SLC9A9: variants seen among roughly 807,000 people sequenced by gnomAD.
SLC9A9 encodes the protein solute carrier family 9 member A9, also known as sodium/hydrogen exchanger 9.
In SLC9A9, 62 loss-of-function variants were observed where a neutral mutation model predicts 77.8. That is an observed-to-expected ratio of 0.80 (90% CI 0.65 to 0.98). The LOEUF is 0.98. Among genes scored for constraint, SLC9A9 ranks in the 50% least tolerant of loss-of-function variants. The pLI is 0.00. For synonymous variants in SLC9A9, 320 were observed against 283.5 expected, an observed-to-expected ratio of 1.13 and a Z score of -1.29; for missense variants, 775 against 774.9, an observed-to-expected ratio of 1.00 and a Z score of 0.00.
At chr3:143,447,456 T>C (rs1369764965) in intron 12 of SLC9A9, among the ~76,000 whole-genome samples, 3 of 152,206 alleles carry the variant, frequency 2.0e-5, no homozygotes, top group African/African-American at 7.2e-5. Context: ...CTGAAAACCA[T>C]TGCCTTAAAG....
At chr3:143,769,164 G>A (rs968994556) in intron 4 of SLC9A9, among the ~76,000 whole-genome samples, 3 of 152,108 alleles carry the variant, frequency 2.0e-5, no homozygotes, top group African/African-American at 4.8e-5. Context: ...TATTATTACT[G>A]CTCATAATTA....
chr3:143,749,194 T>C (rs1277199437), intron 4 of SLC9A9, among the ~76,000 whole-genome samples: 5 of 152,234 alleles, frequency 3.3e-5, no homozygotes, highest in Non-Finnish European at 5.9e-5. Flanking sequence ...TTCTCACATC[T>C]CTTTGCCTTA....
intron 5 of SLC9A9, among the ~76,000 whole-genome samples, chr3:143,673,973 G>T (rs2039198028): frequency 6.6e-6 from 1 of 152,022 alleles, no homozygotes; most frequent in African/African-American, 2.4e-5. Flanking sequence ...GAAGAAAATG[G>T]TATCTGGAAA....
intron 12 of SLC9A9, among the ~76,000 whole-genome samples, chr3:143,437,485 C>T (rs147118780): frequency 1.3e-5 from 2 of 152,216 alleles, no homozygotes; most frequent in East Asian, 1.9e-4. Flanking sequence ...ACTATTACTG[C>T]GTCCTGCTTC....
intron 4 of SLC9A9, among the ~76,000 whole-genome samples, chr3:143,763,463 G>T (rs2007201899): frequency 6.6e-6 from 1 of 152,096 alleles, no homozygotes; most frequent in Non-Finnish European, 1.5e-5. Context: ...GTGTTATTTT[G>T]TCACTGTGAT....
At chr3:143,338,392 C>T (rs2031988965) in intron 14 of SLC9A9, among the ~76,000 whole-genome samples, 1 of 152,108 alleles carries the variant, frequency 6.6e-6, no homozygotes, top group Non-Finnish European at 1.5e-5. Flanking sequence ...GACAAGCAGA[C>T]AGAGCAGTGT....
At chr3:143,326,905 G>T (rs1446028427) in intron 14 of SLC9A9, among the ~76,000 whole-genome samples, 2 of 152,134 alleles carry the variant, frequency 1.3e-5, no homozygotes, top group Non-Finnish European at 2.9e-5. Flanking sequence ...AAAATTAATG[G>T]TCACTGGAGT....
At position 143,827,629 on chromosome 3, in the gene SLC9A9, T is replaced by A. The variant is rs560750161; in HGVS notation, c.378+4390A>T. ...CAAACCAGTTCTGTCTCTAAGCACG[T>A]CAATGCCTAACCATCCCAGAAATAC... On this transcript the variant is annotated intron_variant, in intron 2 of 15. Coordinates refer to ENST00000316549, the MANE Select transcript of SLC9A9 (RefSeq NM_173653.4). Among the ~76,000 whole-genome samples, 54 of 152,282 alleles carry A rather than the reference T, an allele frequency of 3.5e-4. 1 individual carries two copies. The highest frequency in any genetic ancestry group is 3.4e-3 in the Middle Eastern group (1 of 294).
intron 5 of SLC9A9, among the ~76,000 whole-genome samples, chr3:143,666,556 C>T (rs992352355): frequency 1.3e-5 from 2 of 152,180 alleles, no homozygotes; most frequent in African/African-American, 4.8e-5. Flanking sequence ...TCCCTGTTTG[C>T]AGATGACATG....
chr3:143,433,524 T>C (rs2034567369), intron 12 of SLC9A9, among the ~76,000 whole-genome samples: 2 of 152,312 alleles, frequency 1.3e-5, no homozygotes, highest in Non-Finnish European at 2.9e-5. Flanking sequence ...CCAATACATT[T>C]AGTGTTCAAT....
chr3:143,667,368 C>A (rs190687751), intron 5 of SLC9A9, among the ~76,000 whole-genome samples: 104 of 152,190 alleles, frequency 6.8e-4, no homozygotes, highest in Non-Finnish European at 1.1e-3. Flanking sequence ...GACTTAAAAC[C>A]ATAAAAACCC....
intron 2 of SLC9A9, among the ~76,000 whole-genome samples, chr3:143,814,903 A>C (rs1351278919): frequency 6.6e-6 from 1 of 152,096 alleles, no homozygotes; most frequent in Non-Finnish European, 1.5e-5. Context: ...TAAGGAAAAA[A>C]TGAGTGATGG....
At chr3:143,338,730 C>T (rs1346421546) in intron 14 of SLC9A9, among the ~76,000 whole-genome samples, 2 of 152,118 alleles carry the variant, frequency 1.3e-5, no homozygotes, top group African/African-American at 4.8e-5. Context: ...CTGGGGATTA[C>T]ATATCCAGGC....
In SLC9A9 at chr3:143,602,718, G is replaced by A. The variant is rs527663750; in HGVS notation, c.756-23995C>T. 3.9e-5 allele frequency among the ~76,000 whole-genome samples: 6 copies of A among 152,162 alleles called. No homozygotes were observed. In the South Asian group the frequency reaches 1.2e-3, roughly 32 times the overall value. On this transcript the variant is annotated intron_variant, in intron 6 of 15. Coordinates refer to ENST00000316549, the MANE Select transcript of SLC9A9 (RefSeq NM_173653.4). ...TCTGATGCTTAGCTCTGTATTATTG[G>A]GTAAGTTGCTGAAGCTACCCGTACA... is the stretch of plus-strand genomic sequence containing the variant.
At chr3:143,522,189 C>T (rs775862640) in intron 9 of SLC9A9, among the ~76,000 whole-genome samples, 3 of 152,186 alleles carry the variant, frequency 2.0e-5, no homozygotes, top group Non-Finnish European at 4.4e-5. Flanking sequence ...ATACATCTTT[C>T]TCCATCTAAA....
intron 4 of SLC9A9, among the ~76,000 whole-genome samples, chr3:143,755,028 T>C (rs2006876353): frequency 6.6e-6 from 1 of 152,182 alleles, no homozygotes; most frequent in Non-Finnish European, 1.5e-5. Context: ...TGTAATTCCC[T>C]TGAGGGGAGC....
chr3:143,365,690 G>A (rs777045727), intron 13 of SLC9A9, among the ~76,000 whole-genome samples: 4 of 152,196 alleles, frequency 2.6e-5, no homozygotes, highest in Non-Finnish European at 4.4e-5. Context: ...CAGGGTGTCT[G>A]GTTCAATTTC....
chr3:143,329,587 G>A (rs1243875023), intron 14 of SLC9A9, among the ~76,000 whole-genome samples: 1 of 152,176 alleles, frequency 6.6e-6, no homozygotes, highest in Non-Finnish European at 1.5e-5. Flanking sequence ...GGCCTCCTGC[G>A]CGTGCTGCTC....
chr3:143,300,965 T>C (rs2030492444), intron 14 of SLC9A9, among the ~76,000 whole-genome samples: 2 of 152,242 alleles, frequency 1.3e-5, no homozygotes, highest in Non-Finnish European at 2.9e-5. Context: ...GGCAAAAACC[T>C]GTTTAACATC....
Sources: allele counts gnomAD v4.1 joint callset (sites outside exome capture counted in the v4.1 genomes callset), GRCh38; gene constraint gnomAD v4.1.1; transcripts MANE v1.5; gene names NCBI Gene and HGNC (gene_info 2026-07-23, HGNC 2026-07-21).